Variants in DPEP1 observed in about 807,000 individuals in gnomAD.
DPEP1 encodes the protein dipeptidase 1.
Under a neutral mutation model 42.3 loss-of-function variants are expected in DPEP1, and 50 were observed. That is an observed-to-expected ratio of 1.18 (90% CI 0.94 to 1.50). The LOEUF is 1.50. Ranked by LOEUF, DPEP1 falls within the 40% of genes most tolerant of loss-of-function variation. The pLI, the probability that DPEP1 is intolerant of heterozygous loss-of-function variation, is 0.00. For synonymous variants in DPEP1, 297 were observed against 234.0 expected (o/e 1.27, Z -2.46); for missense variants, 663 against 553.0 (o/e 1.20, Z -1.99).
chr16:89,616,168 C>G (rs1395243322), intron 1 of DPEP1, among the ~76,000 whole-genome samples: 1 of 121,448 alleles, frequency 8.2e-6, no homozygotes, highest in Non-Finnish European at 1.7e-5. Context: ...GGGGGCTGGG[C>G]TGGGGGTTCA....
At chr16:89,614,661 G>A (rs541959362) in intron 1 of DPEP1, among the ~76,000 whole-genome samples, 226 of 152,308 alleles carry the variant, frequency 1.5e-3, no homozygotes, top group Admixed American at 3.9e-3. Flanking sequence ...CGGGCGTGGT[G>A]GCGGGCGCCT....
chr16:89,627,617 G>A (rs940818480), intron 1 of DPEP1, among the ~76,000 whole-genome samples: 1 of 149,290 alleles, frequency 6.7e-6, no homozygotes, highest in Non-Finnish European at 1.5e-5. Context: ...AGAGGGAAAG[G>A]AAGGGCAGGG....
intron 2 of DPEP1, among the ~76,000 whole-genome samples, chr16:89,634,916 C>T (rs1435110837): frequency 1.1e-5 from 1 of 93,356 alleles, no homozygotes; most frequent in Non-Finnish European, 2.3e-5. Context: ...TCCCTTTCCC[C>T]TTCCTTCCCT....
rs1024050504 is a variant in DPEP1, at chr16:89,622,175, G to A, written c.-106-8130G>A. On this transcript the variant is annotated intron_variant, in intron 1 of 10. Coordinates refer to ENST00000690203, the MANE Select transcript of DPEP1 (RefSeq NM_001389466.1). ...CTTCACAGAGCACTGCTCCCACCCC[G>A]AGGGGTCTCCTAGCAACGCTTCTCT... Among the ~76,000 whole-genome samples, 15 of 152,288 alleles carry A rather than the reference G, an allele frequency of 9.8e-5. No homozygotes were observed. The East Asian group carries it at 1.5e-3, about 16-fold the overall frequency.
At chr16:89,639,005 A>C (rs2059721543), downstream of DPEP1, among the ~76,000 whole-genome samples, 1 of 54,026 alleles carries the variant, frequency 1.9e-5, no homozygotes, top group Non-Finnish European at 3.3e-5. Context: ...GCACACACAC[A>C]CACACCGCAC....
intron 2 of DPEP1, among the ~76,000 whole-genome samples, chr16:89,631,430 G>A (rs1368317736): frequency 1.3e-5 from 2 of 152,232 alleles, no homozygotes; most frequent in African/African-American, 2.4e-5. Flanking sequence ...CTGGCTCCGC[G>A]TTGGGGTGGG....
At chr16:89,630,208 G>A (rs1399889466) in intron 1 of DPEP1, 97 bp from the exon 2 acceptor site, 2 of 437,922 alleles carry the variant, frequency 4.6e-6, no homozygotes, top group Non-Finnish European at 8.3e-6. Context: ...CCCTGGTGGG[G>A]AATGTGCTGG....
intron 1 of DPEP1, among the ~76,000 whole-genome samples, chr16:89,627,250 G>A (rs947091060): frequency 7.6e-6 from 1 of 132,366 alleles, no homozygotes; most frequent in Admixed American, 8.5e-5. Flanking sequence ...TCCAGCCTGG[G>A]CAATAGAGTG....
chr16:89,637,866 G>T lies in DPEP1; in HGVS notation c.960G>T (p.Lys320Asn). The T allele has an allele frequency of 1.2e-6, 2 of 1,612,802 alleles. No homozygotes were observed. Among genetic ancestry groups the T allele is most frequent in the Non-Finnish European group, 1.7e-6 (2 of 1,179,912 alleles). ...CTGAGGGGCTGGAGGACGTCTCCAA[G>T]TATCCAGACCTGATCGCTGAGCTGC... is the stretch of plus-strand genomic sequence containing the variant. ...RVPEGLEDVS[K>N]YPDLIAELLR... Residue 320 changes from lysine (K) to asparagine (N), a missense_variant, in exon 10 of 11, where the codon AAG becomes AAT. Transcript: ENST00000690203.
chr16:89,635,223 T>TTCCTTCTCCTTTCCCC (rs1567990679), intron 2 of DPEP1, among the ~76,000 whole-genome samples: 4 of 138,956 alleles, frequency 2.9e-5, no homozygotes, highest in African/African-American at 9.6e-5. Flanking sequence ...TCCTTTCCCC[T>TTCCTTCTCCTTTCCCC]TCCTTCTCAT....
In DPEP1 at chr16:89,636,364, C is replaced by T. The variant is rs370565415; in HGVS notation, c.338C>T (p.Pro113Leu). The T allele has an allele frequency of 1.4e-5, 23 of 1,612,338 alleles. No individual in the cohort carries two copies. Among genetic ancestry groups the T allele is most frequent in the East Asian group, 8.9e-5 (4 of 44,890 alleles). The change falls in exon 4 of 11, where the codon CCG (proline) becomes CTG (leucine). Residue 113 changes from proline to leucine, a missense_variant. Transcript: ENST00000690203. ...GTCCACCGCATGTGCCGGATGTACC[C>T]GGAGACCTTCCTGTATGTCACCAGC... ...DVVHRMCRMY[P>L]ETFLYVTSSA...
At chr16:89,636,993 T>C in intron 6 of DPEP1, 58 bp downstream of exon 6, 1 of 1,597,692 alleles carries the variant, frequency 6.3e-7, no homozygotes, top group Non-Finnish European at 8.5e-7. Flanking sequence ...CCCTGGAGGG[T>C]GACCAGAACA....
At chr16:89,616,747 C>T in intron 1 of DPEP1, 1 of 265,880 alleles carries the variant, frequency 3.8e-6, no homozygotes, top group South Asian at 3.0e-5. Flanking sequence ...GGCTGGGAAG[C>T]AGGCAGAGAG....
intron 1 of DPEP1, among the ~76,000 whole-genome samples, chr16:89,622,603 G>A (rs1229972619): frequency 1.3e-5 from 2 of 152,136 alleles, no homozygotes; most frequent in South Asian, 2.1e-4. Context: ...GGCCAACATG[G>A]TGAAACCCTG....
At chr16:89,627,018 T>C (rs1048981757) in intron 1 of DPEP1, among the ~76,000 whole-genome samples, 7 of 140,848 alleles carry the variant, frequency 5.0e-5, no homozygotes, top group Non-Finnish European at 9.4e-5. Context: ...TCCCAACACT[T>C]TGGGAGGCCG....
chr16:89,640,725 TTTA>T, downstream of DPEP1: 1 of 749,910 alleles, frequency 1.3e-6, no homozygotes, highest in Non-Finnish European at 1.6e-6. Context: ...TAGGCCTAAT[TTTA>T]TTAACAGTAT....
rs368927865 is a variant in DPEP1, at chr16:89,620,035, C to T, written c.-107+6316C>T. 1.6e-3 allele frequency among the ~76,000 whole-genome samples: 235 copies of T among 149,266 alleles called. 1 individual carries two copies. Among genetic ancestry groups the T allele is most frequent in the African/African-American group, 5.4e-3 (219 of 40,446 alleles). ...CCCACTGAGTATGCCCCCCTCCCGC[C>T]GCAACCTCAGAATTCCAAAGCCAGC... On this transcript the variant is annotated intron_variant, in intron 1 of 10. Coordinates refer to ENST00000690203, the MANE Select transcript of DPEP1 (RefSeq NM_001389466.1).
chr16:89,637,151 C>G, intron 6 of DPEP1, 53 bp from the exon 7 acceptor site: 1 of 1,582,984 alleles, frequency 6.3e-7, no homozygotes, highest in Non-Finnish European at 8.6e-7. Context: ...CCGTCCACCT[C>G]CGCAGCCCCG....
intron 1 of DPEP1, among the ~76,000 whole-genome samples, chr16:89,628,807 G>A (rs922412139): frequency 2.6e-5 from 4 of 152,038 alleles, no homozygotes; most frequent in African/African-American, 7.2e-5. Context: ...GTTTGTGGGG[G>A]AGGGGGGGCG....
Sources: allele counts gnomAD v4.1 joint callset (sites outside exome capture counted in the v4.1 genomes callset), GRCh38; gene constraint gnomAD v4.1.1; transcripts MANE v1.5; gene names NCBI Gene and HGNC (gene_info 2026-07-23, HGNC 2026-07-21).